CSMD3: variants seen among roughly 807,000 people sequenced by gnomAD.
The protein encoded by CSMD3 is CUB and sushi domain-containing protein 3.
In CSMD3, 177 loss-of-function variants were observed where a neutral mutation model predicts 435.2. That is an observed-to-expected ratio of 0.41 (90% CI 0.36 to 0.46). CSMD3 has a LOEUF of 0.46. CSMD3 is among the 20% of genes least tolerant of loss of function. The probability of loss-of-function intolerance (pLI) is 0.34; values close to 1 mark genes in which losing one functional copy is unlikely to be tolerated. For synonymous variants in CSMD3, 1,656 were observed against 1,520.5 expected (o/e 1.09, Z -2.07); for missense variants, 4,265 against 4,504.6 (o/e 0.95, Z 1.52).
intron 27 of CSMD3, among the ~76,000 whole-genome samples, chr8:112,524,837 T>A (rs1415230322): frequency 6.6e-6 from 1 of 152,036 alleles, no homozygotes; most frequent in Non-Finnish European, 1.5e-5. Flanking sequence ...ATATGAATTA[T>A]CTGAATATTA....
chr8:113,112,603 A>G (rs897691325), intron 4 of CSMD3, among the ~76,000 whole-genome samples: 1 of 151,438 alleles, frequency 6.6e-6, no homozygotes, highest in African/African-American at 2.4e-5. Context: ...ACTGAGAAGT[A>G]GTCATGAGAC....
At chr8:113,212,277 A>T (rs1015264237) in intron 3 of CSMD3, among the ~76,000 whole-genome samples, 1 of 152,184 alleles carries the variant, frequency 6.6e-6, no homozygotes, top group African/African-American at 2.4e-5. Flanking sequence ...TGCTGTGGTG[A>T]GGATAACCAT....
chr8:112,939,461 C>T (rs963382140), intron 9 of CSMD3, among the ~76,000 whole-genome samples: 1 of 151,932 alleles, frequency 6.6e-6, no homozygotes, highest in Admixed American at 6.6e-5. Flanking sequence ...TTTGGTGCCA[C>T]CCTTTCCATT....
chr8:112,741,011 G>A (rs757787066), intron 13 of CSMD3, among the ~76,000 whole-genome samples: 7 of 151,850 alleles, frequency 4.6e-5, no homozygotes, highest in Admixed American at 1.3e-4. Flanking sequence ...AGTAGTTAAA[G>A]CCATTACAAT....
intron 1 of CSMD3, among the ~76,000 whole-genome samples, chr8:113,318,590 G>A (rs2093927115): frequency 6.6e-6 from 1 of 151,848 alleles, no homozygotes; most frequent in Non-Finnish European, 1.5e-5. Context: ...CCTTACTCCT[G>A]CTCACCCATG....
intron 3 of CSMD3, among the ~76,000 whole-genome samples, chr8:113,255,941 T>C (rs1366803732): frequency 6.6e-6 from 1 of 152,040 alleles, no homozygotes; most frequent in African/African-American, 2.4e-5. Context: ...AAAGTAATTA[T>C]ACATAGACTG....
intron 2 of CSMD3, among the ~76,000 whole-genome samples, chr8:113,299,184 G>T (rs765566553): frequency 2.6e-5 from 4 of 152,070 alleles, no homozygotes; most frequent in African/African-American, 4.8e-5. Context: ...GGTTTCAACT[G>T]ACTATCTCAG....
chr8:112,370,017 A>AGAGGAAGAGGAAGAAGAG (rs796330074), intron 38 of CSMD3, among the ~76,000 whole-genome samples: 20 of 59,580 alleles, frequency 3.4e-4, no homozygotes, highest in Admixed American at 2.3e-3. Flanking sequence ...AAGAGGAAGA[A>AGAGGAAGAGGAAGAAGAG]GAAGAGGAAG....
chr8:112,243,647 G>C (rs2130094415), intron 65 of CSMD3, among the ~76,000 whole-genome samples: 1 of 152,122 alleles, frequency 6.6e-6, no homozygotes, highest in Non-Finnish European at 1.5e-5. Context: ...CTTTCTACTA[G>C]GGTTACTCTG....
intron 32 of CSMD3, among the ~76,000 whole-genome samples, chr8:112,417,359 G>A (rs183354830): frequency 6.6e-6 from 1 of 152,130 alleles, no homozygotes; most frequent in African/African-American, 2.4e-5. Context: ...TGACCTCCTA[G>A]GATTGATGTG....
intron 13 of CSMD3, among the ~76,000 whole-genome samples, chr8:112,720,542 A>G (rs2131965587): frequency 6.6e-6 from 1 of 152,264 alleles, no homozygotes; most frequent in Middle Eastern, 3.4e-3. Flanking sequence ...CTAGGCCTAT[A>G]CGGACCCTAC....
intron 6 of CSMD3, among the ~76,000 whole-genome samples, chr8:112,992,885 T>C (rs2085508440): frequency 6.6e-6 from 1 of 151,250 alleles, no homozygotes; most frequent in Admixed American, 6.6e-5. Context: ...TAAGAAAAAA[T>C]ATGTGACACA....
intron 10 of CSMD3, among the ~76,000 whole-genome samples, chr8:112,912,723 T>C (rs2082459508): frequency 6.6e-6 from 1 of 151,852 alleles, no homozygotes; most frequent in African/African-American, 2.4e-5. Flanking sequence ...TGGCATTGCA[T>C]CAAACTAAAG....
intron 12 of CSMD3, among the ~76,000 whole-genome samples, chr8:112,803,521 G>A (rs901679935): frequency 6.6e-6 from 1 of 152,140 alleles, no homozygotes; most frequent in South Asian, 2.1e-4. Context: ...ATGAAGGAAC[G>A]TGCTTGGGGA....
intron 4 of CSMD3, among the ~76,000 whole-genome samples, chr8:113,164,072 T>A (rs2092101247): frequency 6.6e-6 from 1 of 152,034 alleles, no homozygotes; most frequent in Admixed American, 6.6e-5. Context: ...TAATCGTGTT[T>A]TCCAGATTTG....
intron 9 of CSMD3, among the ~76,000 whole-genome samples, chr8:112,929,613 C>T (rs1434441418): frequency 6.6e-6 from 1 of 151,864 alleles, no homozygotes; most frequent in African/African-American, 2.4e-5. Context: ...TTCAATTCTA[C>T]ATAAGCACAA....
chr8:112,809,673 C>T (rs985811930), intron 12 of CSMD3, among the ~76,000 whole-genome samples: 3 of 151,998 alleles, frequency 2.0e-5, no homozygotes, highest in African/African-American at 7.3e-5. Context: ...AATTGGACTC[C>T]CAGTGATTAA....
intron 1 of CSMD3, among the ~76,000 whole-genome samples, chr8:113,372,461 G>A (rs2094351726): frequency 6.6e-6 from 1 of 152,046 alleles, no homozygotes; most frequent in South Asian, 2.1e-4. Flanking sequence ...TTACTCTTCT[G>A]CTAAATTTCT....
At chr8:112,425,895 A>G (rs1407955803) in intron 32 of CSMD3, among the ~76,000 whole-genome samples, 3 of 152,200 alleles carry the variant, frequency 2.0e-5, no homozygotes, top group African/African-American at 4.8e-5. Flanking sequence ...CATTCGTTAC[A>G]TAAGTGTATT....
Sources: allele counts gnomAD v4.1 joint callset (sites outside exome capture counted in the v4.1 genomes callset), GRCh38; gene constraint gnomAD v4.1.1; transcripts MANE v1.5; gene names NCBI Gene and HGNC (gene_info 2026-07-23, HGNC 2026-07-21).